MRPS6: variants seen among roughly 807,000 people sequenced by gnomAD.
The protein encoded by MRPS6 is mitochondrial ribosomal protein S6, also known as small ribosomal subunit protein bS6m.
MRPS6 carries 6 observed loss-of-function variants against 13.1 expected under a neutral mutation model. The ratio of observed to expected loss-of-function variants is 0.46; its 90% CI spans 0.25 to 0.91. MRPS6 has a LOEUF of 0.91. MRPS6 is among the 40% of genes least tolerant of loss of function. MRPS6 has a pLI of 0.18. For synonymous variants in MRPS6, 61 were observed against 56.5 expected (o/e 1.08, Z -0.36); for missense variants, 164 against 155.6 (o/e 1.05, Z -0.29).
chr21:34,089,552 A>G (rs1201358491), intron 1 of MRPS6, among the ~76,000 whole-genome samples: 1 of 152,140 alleles, frequency 6.6e-6, no homozygotes, highest in East Asian at 1.9e-4. Context: ...TCTTGGGCGG[A>G]GTGTATATGG....
intron 1 of MRPS6, among the ~76,000 whole-genome samples, chr21:34,083,668 C>G (rs1989507691): frequency 6.6e-6 from 1 of 152,144 alleles, no homozygotes; most frequent in African/African-American, 2.4e-5. Flanking sequence ...AGTATAGTAT[C>G]TTGAAGCTTT....
intron 2 of MRPS6, among the ~76,000 whole-genome samples, chr21:34,141,171 C>G (rs1420883564): frequency 6.6e-6 from 1 of 152,212 alleles, no homozygotes; most frequent in African/African-American, 2.4e-5. Context: ...TGGACCTGCT[C>G]CGTGTTCGTC....
chr21:34,119,314 A>G (rs188160556), intron 1 of MRPS6, among the ~76,000 whole-genome samples: 1 of 152,292 alleles, frequency 6.6e-6, no homozygotes, highest in East Asian at 1.9e-4. Flanking sequence ...CATGACACCC[A>G]TTTGACTGTT....
At chr21:34,114,587 C>G (rs1979830094) in intron 1 of MRPS6, among the ~76,000 whole-genome samples, 1 of 152,104 alleles carries the variant, frequency 6.6e-6, no homozygotes, top group Non-Finnish European at 1.5e-5. Context: ...TTAAAGCTCC[C>G]AGGTGATTCA....
At chr21:34,109,753 C>T (rs1979623870) in intron 1 of MRPS6, among the ~76,000 whole-genome samples, 1 of 151,964 alleles carries the variant, frequency 6.6e-6, no homozygotes, top group South Asian at 2.1e-4. Context: ...TACTTCCTTT[C>T]TTCCAGAATG....
chr21:34,102,856 A>G (rs568912727), intron 1 of MRPS6: 11 of 1,000,058 alleles, frequency 1.1e-5, no homozygotes, highest in Non-Finnish European at 1.3e-5. Context: ...TCAGAGCTCT[A>G]TCAATAAGAG....
At chr21:34,075,809 T>A (rs759949417) in intron 1 of MRPS6, among the ~76,000 whole-genome samples, 16 of 152,200 alleles carry the variant, frequency 1.1e-4, no homozygotes, top group Non-Finnish European at 2.1e-4. Flanking sequence ...TGCTTTCAGT[T>A]TAGGAAAATA....
chr21:34,109,458 TG>T (rs1979611489), intron 1 of MRPS6, among the ~76,000 whole-genome samples: 1 of 152,192 alleles, frequency 6.6e-6, no homozygotes, highest in South Asian at 2.1e-4. Context: ...GAGAGCCAAG[TG>T]GGGAAAGAAC....
intron 1 of MRPS6, chr21:34,100,488 G>A (rs903017893): frequency 2.3e-5 from 23 of 999,958 alleles, no homozygotes; most frequent in South Asian, 9.4e-5. Flanking sequence ...TGTGTCCTTC[G>A]GCCTAAATTC....
intron 1 of MRPS6, among the ~76,000 whole-genome samples, chr21:34,085,639 C>T (rs994830179): frequency 6.0e-5 from 8 of 132,560 alleles, no homozygotes; most frequent in South Asian, 4.6e-4. Flanking sequence ...CTCGCTCTTT[C>T]GCCCAAGCTG....
chr21:34,096,861 A>C lies in MRPS6; in HGVS notation c.45+23116A>C. 6.2e-7 allele frequency: 1 copy of C among 1,614,110 alleles called. No individual in the cohort carries two copies. Among genetic ancestry groups the C allele is most frequent in the Non-Finnish European group, 8.5e-7 (1 of 1,179,980 alleles). ...TTGGTCTAAGAAGAACCTGGTGGTG[A>C]AGGAGAACTGCTCCCCAAAAGAGGA... On this transcript the variant is annotated intron_variant, in intron 1 of 2. Coordinates refer to ENST00000399312, the MANE Select transcript of MRPS6 (RefSeq NM_032476.4). This position sits in a 1 kb window ranked among gnomAD's most constrained non-coding sequence, Gnocchi z 5.9.
At position 34,096,024 on chromosome 21, in the gene MRPS6, T is replaced by G; in HGVS notation, c.45+22279T>G. On this transcript the variant is annotated intron_variant, in intron 1 of 2. Transcript: ENST00000399312. This position sits in a 1 kb window ranked among gnomAD's most constrained non-coding sequence, Gnocchi z 5.9. Reference sequence around the variant, plus strand: ...GCAGACCCCAGCTTCAGTATGGTACTGGTGTGCTGACCAAGTCATCGTGCA... The same window carrying G: ...GCAGACCCCAGCTTCAGTATGGTACGGGTGTGCTGACCAAGTCATCGTGCA... 6.2e-7 allele frequency: 1 copy of G among 1,614,174 alleles called. No individual in the cohort carries two copies.
At chr21:34,074,170 C>T (rs1178877762) in intron 1 of MRPS6, among the ~76,000 whole-genome samples, 1 of 149,784 alleles carries the variant, frequency 6.7e-6, no homozygotes, top group African/African-American at 2.4e-5. Context: ...CCCGCCGCCG[C>T]CGCCTGGTCC....
At chr21:34,099,092 C>T in intron 1 of MRPS6, 7 of 999,510 alleles carry the variant, frequency 7.0e-6, no homozygotes, top group Non-Finnish European at 8.4e-6. Context: ...TAGTGTCTTC[C>T]CATGATCAGG....
At chr21:34,105,487 TGTAA>T in intron 1 of MRPS6, 6 of 999,962 alleles carry the variant, frequency 6.0e-6, no homozygotes, top group Non-Finnish European at 7.2e-6. Flanking sequence ...AATTTTGATA[TGTAA>T]GTATTAATGC....
intron 2 of MRPS6, among the ~76,000 whole-genome samples, chr21:34,128,171 A>C (rs375012095): frequency 5.9e-5 from 9 of 152,172 alleles, no homozygotes; most frequent in African/African-American, 1.9e-4. Context: ...TCCTGGTCTC[A>C]AGGAGTTTTC....
At chr21:34,107,014 C>G (rs1328003552) in intron 1 of MRPS6, among the ~76,000 whole-genome samples, 1 of 152,186 alleles carries the variant, frequency 6.6e-6, no homozygotes, top group Admixed American at 6.5e-5. Context: ...TCACTGCAGC[C>G]TCTGTCTCCT....
At chr21:34,082,837 A>G (rs1989490126) in intron 1 of MRPS6, among the ~76,000 whole-genome samples, 1 of 152,190 alleles carries the variant, frequency 6.6e-6, no homozygotes, top group African/African-American at 2.4e-5. Context: ...CCCAAGGTGT[A>G]ATTGACTTGT....
intron 1 of MRPS6, chr21:34,102,148 G>A (rs183044008): frequency 2.0e-6 from 2 of 999,984 alleles, no homozygotes; most frequent in African/African-American, 1.7e-5. Context: ...TTGTCAGACT[G>A]TCCTTTGTTG....
Sources: allele counts gnomAD v4.1 joint callset (sites outside exome capture counted in the v4.1 genomes callset), GRCh38; gene constraint gnomAD v4.1.1; non-coding constraint Gnocchi (gnomAD v3.1); transcripts MANE v1.5; gene names NCBI Gene and HGNC (gene_info 2026-07-23, HGNC 2026-07-21).